Variants in ANKS1B observed in about 807,000 individuals in gnomAD.
ANKS1B encodes the protein ankyrin repeat and sterile alpha motif domain-containing protein 1B.
A neutral mutation model predicts 148.3 loss-of-function variants in ANKS1B; 36 were observed. That is an observed-to-expected ratio of 0.24 (90% confidence interval 0.19 to 0.32). The LOEUF is 0.32. Ranked by LOEUF, ANKS1B falls within the 10% of genes least tolerant of loss-of-function variation. The pLI is 1.00. For missense variants in ANKS1B, 1,157 were observed against 1,542.6 expected (o/e 0.75, Z 4.19); for synonymous variants, 542 against 560.8 (o/e 0.97, Z 0.47).
chr12:99,630,588 T>C (rs1210032905), intron 9 of ANKS1B, among the ~76,000 whole-genome samples: 1 of 152,228 alleles, frequency 6.6e-6, no homozygotes, highest in Non-Finnish European at 1.5e-5. Flanking sequence ...AAAGGATGTT[T>C]ATGAGAGATG....
intron 25 of ANKS1B, among the ~76,000 whole-genome samples, chr12:98,756,910 G>A (rs1211389575): frequency 6.6e-6 from 1 of 151,702 alleles, no homozygotes; most frequent in Non-Finnish European, 1.5e-5. Flanking sequence ...TGTATTTTTA[G>A]TAAAGACAAG....
intron 10 of ANKS1B, among the ~76,000 whole-genome samples, chr12:99,470,645 C>G (rs2096225906): frequency 6.6e-6 from 1 of 152,060 alleles, no homozygotes. Flanking sequence ...GAATTTTATG[C>G]TAACAAGAGT....
intron 24 of ANKS1B, among the ~76,000 whole-genome samples, chr12:98,773,900 C>G (rs1252296923): frequency 6.6e-6 from 1 of 152,126 alleles, no homozygotes; most frequent in Admixed American, 6.5e-5. Context: ...GAGATCTGAC[C>G]CAATGAGGCT....
At chr12:98,825,373 T>G (rs1470732357) in intron 19 of ANKS1B, among the ~76,000 whole-genome samples, 5 of 152,218 alleles carry the variant, frequency 3.3e-5, no homozygotes, top group East Asian at 3.8e-4. Flanking sequence ...AATATTAAGC[T>G]TGCAACTGAA....
intron 4 of ANKS1B, among the ~76,000 whole-genome samples, chr12:99,786,388 A>T (rs1305532162): frequency 6.6e-6 from 1 of 152,112 alleles, no homozygotes; most frequent in East Asian, 1.9e-4. Flanking sequence ...TCAAGGTACG[A>T]GTGGCAGTGG....
At chr12:99,264,204 T>C (rs981396947) in intron 12 of ANKS1B, among the ~76,000 whole-genome samples, 3 of 152,178 alleles carry the variant, frequency 2.0e-5, no homozygotes, top group African/African-American at 7.2e-5. Flanking sequence ...CTAGGCATTC[T>C]TTAGCTCATA....
intron 9 of ANKS1B, among the ~76,000 whole-genome samples, chr12:99,604,222 T>A (rs1937362526): frequency 6.6e-6 from 1 of 152,084 alleles, no homozygotes; most frequent in African/African-American, 2.4e-5. Flanking sequence ...AAATTGTGAA[T>A]AATAGCATAT....
intron 8 of ANKS1B, among the ~76,000 whole-genome samples, chr12:99,693,061 A>G (rs931640250): frequency 1.1e-4 from 16 of 152,212 alleles, no homozygotes; most frequent in African/African-American, 3.9e-4. Flanking sequence ...CAACTGACAT[A>G]TTTGAGGTAC....
At chr12:99,782,200 T>A in intron 4 of ANKS1B, 103 bp from the exon 5 acceptor site, 1 of 909,568 alleles carries the variant, frequency 1.1e-6, no homozygotes, top group Non-Finnish European at 1.7e-6. Flanking sequence ...ATATTTGCTG[T>A]AATCTCAGCT....
At chr12:99,071,645 T>TC (rs74841462) in intron 16 of ANKS1B, among the ~76,000 whole-genome samples, 1,162 of 31,896 alleles carry the variant, frequency 0.036, 18 homozygotes, top group South Asian at 0.18. Context: ...AATCTCTCTC[T>TC]TTTTTTTTTT....
At chr12:99,247,601 T>G (rs1218419633) in intron 12 of ANKS1B, among the ~76,000 whole-genome samples, 1 of 152,206 alleles carries the variant, frequency 6.6e-6, no homozygotes, top group Admixed American at 6.5e-5. Context: ...TCTTTGAAGA[T>G]GTAATGCAGA....
intron 12 of ANKS1B, among the ~76,000 whole-genome samples, chr12:99,327,351 CATATTAT>C (rs1458657128): frequency 1.9e-5 from 2 of 103,060 alleles, no homozygotes; most frequent in East Asian, 5.4e-4. Context: ...ATTATAATTA[CATATTAT>C]ATATAATTAC....
intron 1 of ANKS1B, among the ~76,000 whole-genome samples, chr12:99,974,670 G>A (rs777730240): frequency 7.2e-5 from 11 of 151,904 alleles, no homozygotes; most frequent in Admixed American, 6.6e-4. Context: ...CCAGGAGTTC[G>A]AGACCAACCC....
chr12:99,705,906 A>G (rs770818728), intron 8 of ANKS1B, among the ~76,000 whole-genome samples: 1 of 152,116 alleles, frequency 6.6e-6, no homozygotes, highest in Non-Finnish European at 1.5e-5. Context: ...TTGACTATAT[A>G]TACATAGAAA....
At chr12:99,438,408 T>C (rs1051892977) in intron 11 of ANKS1B, among the ~76,000 whole-genome samples, 1 of 151,878 alleles carries the variant, frequency 6.6e-6, no homozygotes, top group Non-Finnish European at 1.5e-5. Flanking sequence ...CCCATACCAA[T>C]ATTTCCAATT....
In ANKS1B at chr12:99,198,176, C is replaced by T. The variant is rs138079802; in HGVS notation, c.2420-43781G>A. On this transcript the variant is annotated intron_variant, in intron 14 of 26. Coordinates refer to ENST00000683438, the MANE Select transcript of ANKS1B (RefSeq NM_001352186.2). ...GGCCACACAGCACTCTGCATTCTTC[C>T]GCTATAGTATTTAAAGTGCTGTATG... Among the ~76,000 whole-genome samples, 105 of 152,180 alleles carry T rather than the reference C, an allele frequency of 6.9e-4. 1 individual carries two copies. Among genetic ancestry groups the T allele is most frequent in the Non-Finnish European group, 1.2e-3 (81 of 68,012 alleles).
At chr12:99,818,999 T>C (rs1312469686) in intron 2 of ANKS1B, among the ~76,000 whole-genome samples, 4 of 151,850 alleles carry the variant, frequency 2.6e-5, no homozygotes, top group Admixed American at 2.0e-4. Context: ...CAACCAAAGA[T>C]GTTTATTTCA....
intron 9 of ANKS1B, among the ~76,000 whole-genome samples, chr12:99,597,874 A>G (rs112788831): frequency 1.3e-5 from 2 of 152,158 alleles, no homozygotes; most frequent in African/African-American, 4.8e-5. Flanking sequence ...CTTGACCTCT[A>G]TGATTGCAAA....
Position 99,246,464 on chromosome 12 carries a change from T to C in ANKS1B, c.2157A>G (p.Ile719Met). 1.2e-6 allele frequency: 2 copies of C among 1,613,854 alleles called. No homozygotes were observed. Among genetic ancestry groups the C allele is most frequent in the Non-Finnish European group, 1.7e-6 (2 of 1,179,846 alleles). ...CGATCAAGGCTTTAGGCAATGACCT[T>C]ATTCTCCCCAGAGTACAGGCTCTCT... Reference protein sequence around the residue: ...FVERACTLGRIRSLPKALIDM... With the variant: ...FVERACTLGRMRSLPKALIDM... The change falls in exon 13 of 27, where the codon ATA becomes ATG. Residue 719 changes from isoleucine to methionine, a missense_variant. Physicochemically the swap from Ile to Met is conservative, Grantham distance 10 (BLOSUM62 1). This residue lies in a region of ANKS1B where 661 missense variants were observed against 642.1 expected (regional missense o/e 1.03). Coordinates refer to ENST00000683438, the MANE Select transcript of ANKS1B (RefSeq NM_001352186.2).
Sources: allele counts gnomAD v4.1 joint callset (sites outside exome capture counted in the v4.1 genomes callset), GRCh38; gene constraint gnomAD v4.1.1; regional missense constraint gnomAD v4.1.1; transcripts MANE v1.5; gene names NCBI Gene and HGNC (gene_info 2026-07-23, HGNC 2026-07-21).